The following PIK3C2A variants were observed in gnomAD, a reference collection of about 807,000 sequenced individuals.
PIK3C2A encodes the protein phosphatidylinositol-4-phosphate 3-kinase catalytic subunit type 2 alpha.
PIK3C2A carries 97 observed loss-of-function variants against 204.5 expected under a neutral mutation model. That is an observed-to-expected ratio of 0.47 (90% confidence interval 0.40 to 0.56). PIK3C2A has a LOEUF of 0.56. Among genes scored for constraint, PIK3C2A ranks in the 20% least tolerant of loss-of-function variants. The pLI is 0.00. For synonymous variants in PIK3C2A, 653 were observed against 664.4 expected, an observed-to-expected ratio of 0.98 and a Z score of 0.26; for missense variants, 1,735 against 1,969.2, an observed-to-expected ratio of 0.88 and a Z score of 2.25.
chr11:17,160,100 C>G (rs920531508), intron 2 of PIK3C2A, among the ~76,000 whole-genome samples: 1 of 152,142 alleles, frequency 6.6e-6, no homozygotes, highest in Non-Finnish European at 1.5e-5. Context: ...ACCTCATGGC[C>G]TAGTCAAGCT....
intron 11 of PIK3C2A, among the ~76,000 whole-genome samples, chr11:17,133,385 C>A (rs768766991): frequency 2.0e-5 from 3 of 151,884 alleles, no homozygotes; most frequent in African/African-American, 7.3e-5. Context: ...GGTTTTTTGC[C>A]GCCTTGTACT....
intron 6 of PIK3C2A, among the ~76,000 whole-genome samples, chr11:17,146,502 C>T (rs562419267): frequency 1.3e-5 from 2 of 151,560 alleles, no homozygotes; most frequent in East Asian, 3.9e-4. Context: ...CATTTGAGGC[C>T]AGGAGTTCGA....
intron 13 of PIK3C2A, among the ~76,000 whole-genome samples, chr11:17,123,272 C>T (rs949699306): frequency 6.6e-6 from 1 of 152,054 alleles, no homozygotes; most frequent in Non-Finnish European, 1.5e-5. Flanking sequence ...TGTTTTGAGA[C>T]AGGGTCTTGC....
intron 32 of PIK3C2A, among the ~76,000 whole-genome samples, chr11:17,090,736 C>T: frequency 6.6e-6 from 1 of 151,658 alleles, no homozygotes; most frequent in East Asian, 1.9e-4. Flanking sequence ...TACCTAAAAA[C>T]TTAAAATTTT....
In PIK3C2A at chr11:17,150,587, G is replaced by A. The variant is rs143992011; in HGVS notation, c.1238C>T (p.Ala413Val). The A allele has an allele frequency of 9.9e-6, 16 of 1,611,238 alleles. No homozygotes were observed. In the African/African-American group the frequency reaches 1.6e-4, roughly 16 times the overall value. ...ATTTTCTCCGCATATGTTTCTTTGT[G>A]CTGTGACTGGACTTAACAAATAGCC... ...NPGYLLSPVT[A>V]QRNICGENAS... is the part of the protein sequence containing the mutation. The change falls in exon 4 of 33, where the codon GCA becomes GTA. Residue 413 changes from alanine (A) to valine (V), a missense_variant. Physicochemically the swap from Ala to Val is moderately conservative, Grantham distance 64. Coordinates refer to ENST00000691414, the MANE Select transcript of PIK3C2A (RefSeq NM_002645.4).
chr11:17,128,624 A>C (rs1262067213), intron 13 of PIK3C2A, among the ~76,000 whole-genome samples: 1 of 152,150 alleles, frequency 6.6e-6, no homozygotes, highest in Non-Finnish European at 1.5e-5. Context: ...GAACTTACCC[A>C]ATTATTTTTC....
intron 8 of PIK3C2A, among the ~76,000 whole-genome samples, chr11:17,139,018 C>T (rs1437158779): frequency 2.0e-5 from 3 of 151,944 alleles, no homozygotes; most frequent in Non-Finnish European, 4.4e-5. Context: ...AGCGTTTCTC[C>T]TGCCGCAGCC....
chr11:17,128,270 A>T (rs1421709659), intron 13 of PIK3C2A, among the ~76,000 whole-genome samples: 34 of 95,636 alleles, frequency 3.6e-4, no homozygotes, highest in South Asian at 6.6e-4. Flanking sequence ...AACTTTAGAG[A>T]TGCTTTTTTT....
At chr11:17,114,177 T>C (rs377613197) in intron 20 of PIK3C2A, among the ~76,000 whole-genome samples, 184 bp downstream of exon 20, 86 of 152,116 alleles carry the variant, frequency 5.7e-4, no homozygotes, top group Middle Eastern at 3.4e-3. Flanking sequence ...ACTTTTTTTT[T>C]CCCAGGAATG....
chr11:17,182,255 T>C (rs1851592118), intron 1 of PIK3C2A, among the ~76,000 whole-genome samples: 1 of 152,162 alleles, frequency 6.6e-6, no homozygotes, highest in Admixed American at 6.6e-5. Context: ...ATATATGATT[T>C]GTGCACTTTT....
At chr11:17,186,847 G>A (rs76032288) in intron 1 of PIK3C2A, among the ~76,000 whole-genome samples, 3,174 of 152,278 alleles carry the variant, frequency 0.021, 123 homozygotes, top group African/African-American at 0.071. Flanking sequence ...AGGCCAAGGC[G>A]AATGGTCAGG....
intron 24 of PIK3C2A, among the ~76,000 whole-genome samples, chr11:17,101,647 A>T (rs1848626189): frequency 1.4e-5 from 2 of 142,736 alleles, no homozygotes. Flanking sequence ...TCTGTCGCCC[A>T]GGCTGGAGTG....
intron 3 of PIK3C2A, among the ~76,000 whole-genome samples, chr11:17,152,422 T>G (rs949197121): frequency 6.6e-6 from 1 of 152,008 alleles, no homozygotes; most frequent in Non-Finnish European, 1.5e-5. Flanking sequence ...ACAATTGAGG[T>G]TTTTTTGTGG....
chr11:17,094,155 C>T, intron 28 of PIK3C2A, 106 bp downstream of exon 28: 1 of 754,504 alleles, frequency 1.3e-6, no homozygotes. Context: ...ATAAGCCACA[C>T]ATGGCCGATA....
chr11:17,180,351 G>A (rs766354097), intron 1 of PIK3C2A, among the ~76,000 whole-genome samples: 1 of 152,008 alleles, frequency 6.6e-6, no homozygotes, highest in East Asian at 1.9e-4. Flanking sequence ...CTGGGCCACA[G>A]AGCCAGACTC....
At chr11:17,096,065 G>A (rs1013875146) in intron 27 of PIK3C2A, among the ~76,000 whole-genome samples, 11 of 149,902 alleles carry the variant, frequency 7.3e-5, no homozygotes, top group South Asian at 4.2e-4. Flanking sequence ...TTGATACAGC[G>A]TCTTGCTCTG....
chr11:17,132,076 A>C, intron 11 of PIK3C2A, 38 bp from the exon 12 acceptor site: 1 of 1,247,002 alleles, frequency 8.0e-7, no homozygotes, highest in Non-Finnish European at 1.1e-6. Context: ...CTATCATGAT[A>C]ATACAAATTA....
rs1851067815 is a variant in PIK3C2A, at chr11:17,169,044, G to A, written c.698C>T (p.Thr233Ile). ...TTTCCCATTTTTTAAAAATTCTGAT[G>A]TACTAGCTATTTTGTCAAATAGTTT... ...MAKLFDKIAS[T>I]SEFLKNGKAR... The change falls in exon 2 of 33, where the codon ACA becomes ATA. Residue 233 changes from threonine to isoleucine, a missense_variant. Physicochemically the swap from Thr to Ile is moderately conservative, Grantham distance 89 (BLOSUM62 -1). Transcript: ENST00000691414. 1 of 1,613,914 alleles carries A rather than the reference G, an allele frequency of 6.2e-7. No individual in the cohort carries two copies. Among genetic ancestry groups the A allele is most frequent in the Non-Finnish European group, 8.5e-7 (1 of 1,179,932 alleles).
intron 27 of PIK3C2A, 88 bp from the exon 28 acceptor site, chr11:17,094,473 C>T: frequency 9.2e-7 from 1 of 1,088,316 alleles, no homozygotes. Flanking sequence ...CCTGTAATCC[C>T]AGCACTTTGG....
Sources: allele counts gnomAD v4.1 joint callset (sites outside exome capture counted in the v4.1 genomes callset), GRCh38; gene constraint gnomAD v4.1.1; transcripts MANE v1.5; gene names NCBI Gene and HGNC (gene_info 2026-07-23, HGNC 2026-07-21).